Variants in ANKS1B observed in about 807,000 individuals in gnomAD.
ANKS1B encodes ankyrin repeat and sterile alpha motif domain-containing protein 1B.
A neutral mutation model predicts 148.3 loss-of-function variants in ANKS1B; 36 were observed. The observed-to-expected ratio is 0.24, with a 90% CI of 0.19 to 0.32. ANKS1B has a LOEUF of 0.32. ANKS1B is among the 10% of genes least tolerant of loss of function. ANKS1B has a pLI of 1.00. For synonymous variants in ANKS1B, 542 were observed against 560.8 expected, an observed-to-expected ratio of 0.97 and a Z score of 0.47; for missense variants, 1,157 against 1,542.6, an observed-to-expected ratio of 0.75 and a Z score of 4.19.
At chr12:99,488,626 C>T (rs2096525489) in intron 10 of ANKS1B, among the ~76,000 whole-genome samples, 1 of 152,158 alleles carries the variant, frequency 6.6e-6, no homozygotes, top group Admixed American at 6.6e-5. Flanking sequence ...GACTTTCTGG[C>T]CCTAGCTCCA....
chr12:99,398,581 G>A (rs1356675980), intron 12 of ANKS1B, among the ~76,000 whole-genome samples: 1 of 152,146 alleles, frequency 6.6e-6, no homozygotes, highest in Non-Finnish European at 1.5e-5. Flanking sequence ...AAACAGTTGA[G>A]AGGTCAAGGG....
chr12:99,179,290 G>A (rs936732168), intron 14 of ANKS1B, among the ~76,000 whole-genome samples: 103 of 151,918 alleles, frequency 6.8e-4, no homozygotes, highest in African/African-American at 2.3e-3. Context: ...TTAGCCGGGC[G>A]TGGTGGCGGG....
intron 9 of ANKS1B, among the ~76,000 whole-genome samples, chr12:99,508,073 T>C (rs2096729834): frequency 6.6e-6 from 1 of 151,914 alleles, no homozygotes; most frequent in Non-Finnish European, 1.5e-5. Context: ...TCAAACTTTA[T>C]ATATATAGTA....
At chr12:99,754,510 G>A (rs6538943) in intron 8 of ANKS1B, among the ~76,000 whole-genome samples, 66,469 of 151,952 alleles carry the variant, frequency 0.44, 14,938 homozygotes, top group South Asian at 0.61. Flanking sequence ...CATGAACCCA[G>A]CAGATATTTA....
intron 1 of ANKS1B, among the ~76,000 whole-genome samples, chr12:99,981,444 C>T (rs551111054): frequency 1.9e-4 from 29 of 152,014 alleles, no homozygotes; most frequent in African/African-American, 7.0e-4. Flanking sequence ...GTCTAGTGAA[C>T]CCTCAAAGGG....
intron 8 of ANKS1B, among the ~76,000 whole-genome samples, chr12:99,758,531 A>AT (rs1287480068): frequency 8.0e-6 from 1 of 124,722 alleles, no homozygotes; most frequent in African/African-American, 3.0e-5. Context: ...TATTGCTACC[A>AT]TTTTTCATAT....
chr12:98,910,458 A>G (rs1034852301), intron 17 of ANKS1B, among the ~76,000 whole-genome samples: 7 of 152,230 alleles, frequency 4.6e-5, no homozygotes, highest in African/African-American at 1.7e-4. Flanking sequence ...AAATGTATTT[A>G]ATTATCAGGC....
chr12:99,883,399 T>C (rs555645720), intron 1 of ANKS1B, among the ~76,000 whole-genome samples: 2 of 152,146 alleles, frequency 1.3e-5, no homozygotes, highest in African/African-American at 2.4e-5. Context: ...AAAGAGAACA[T>C]AGACATAAAC....
At chr12:99,519,879 T>C (rs2096857877) in intron 9 of ANKS1B, among the ~76,000 whole-genome samples, 1 of 152,208 alleles carries the variant, frequency 6.6e-6, no homozygotes, top group Admixed American at 6.5e-5. Flanking sequence ...CATCTAATAA[T>C]CCATTATTTT....
intron 8 of ANKS1B, among the ~76,000 whole-genome samples, chr12:99,750,736 G>T (rs567580264): frequency 2.0e-4 from 31 of 152,044 alleles, no homozygotes; most frequent in African/African-American, 6.0e-4. Flanking sequence ...ACCACCTTTT[G>T]ACAGATAAGC....
intron 1 of ANKS1B, among the ~76,000 whole-genome samples, chr12:99,879,147 T>A (rs1312956029): frequency 6.6e-6 from 1 of 152,172 alleles, no homozygotes; most frequent in Admixed American, 6.5e-5. Context: ...AGTTTCCTCA[T>A]CAGGGAAGCC....
rs1303484750 is a variant in ANKS1B at position 99,812,224 on chromosome 12, C to T, written c.303G>A (p.Trp101Ter). The T allele has an allele frequency of 6.2e-7, 1 of 1,612,122 alleles. No individual in the cohort carries two copies. Among genetic ancestry groups the T allele is most frequent in the Admixed American group, 1.7e-5 (1 of 59,762 alleles). The stretch of plus-strand genomic sequence containing the variant: ...TCTTCACAATTTCCACATCTCCTTT[C>T]CAGGCAGCCAGGTGAATAGGAAAAT... Reference protein sequence around the residue: ...KGYFPIHLAAWKGDVEIVKIL... With the variant: ...KGYFPIHLAA Residue 101 changes from tryptophan to a stop codon, truncating the protein, a stop_gained, in exon 3 of 27, where the codon TGG becomes TGA. Coordinates refer to ENST00000683438, the MANE Select transcript of ANKS1B (RefSeq NM_001352186.2). LOFTEE classifies it high-confidence loss of function.
intron 16 of ANKS1B, among the ~76,000 whole-genome samples, chr12:99,055,483 C>T (rs950441905): frequency 1.3e-5 from 2 of 152,128 alleles, no homozygotes; most frequent in Non-Finnish European, 2.9e-5. Flanking sequence ...CCACAGGTTA[C>T]CCCCAAGCAC....
At chr12:99,380,754 CTCCTTCCTTCCTTCCTTCCTTCCTTCCT>C (rs144164931) in intron 12 of ANKS1B, among the ~76,000 whole-genome samples, 18,983 of 132,752 alleles carry the variant, frequency 0.14, 1,285 homozygotes, top group African/African-American at 0.22. Context: ...GTTTCCTTTC[CTCCTTCCTTCCTTCCTTCCTTCCTTCCT>C]TCCTTCCTTC....
chr12:99,202,353 C>T (rs1483475909), intron 14 of ANKS1B, among the ~76,000 whole-genome samples: 1 of 152,186 alleles, frequency 6.6e-6, no homozygotes, highest in African/African-American at 2.4e-5. Flanking sequence ...AGTGACCTAC[C>T]ATCCATAAAC....
rs115839522 is a variant in ANKS1B at position 99,294,192 on chromosome 12, T to A, written c.1757-47328A>T. 7.8e-3 allele frequency among the ~76,000 whole-genome samples: 1,190 copies of A among 152,214 alleles called. 17 individuals are homozygous for A. Among genetic ancestry groups the A allele is most frequent in the African/African-American group, 0.027 (1,112 of 41,530 alleles). ...GTGCTAGTTATATACCCAAATGAAA[T>A]GAAATAGGTATATAAGACAGATATC... On this transcript the variant is annotated intron_variant, in intron 12 of 26. Coordinates refer to ENST00000683438, the MANE Select transcript of ANKS1B (RefSeq NM_001352186.2).
At chr12:99,090,869 C>T (rs972907762) in intron 15 of ANKS1B, among the ~76,000 whole-genome samples, 3 of 152,038 alleles carry the variant, frequency 2.0e-5, no homozygotes, top group Non-Finnish European at 4.4e-5. Context: ...TATAGAAACA[C>T]GGGTGACTAT....
chr12:98,842,934 C>T (rs2099415865), intron 17 of ANKS1B, among the ~76,000 whole-genome samples: 1 of 152,164 alleles, frequency 6.6e-6, no homozygotes, highest in Non-Finnish European at 1.5e-5. Flanking sequence ...TCCTCCAAGT[C>T]ATAACACTTC....
At chr12:99,713,963 G>A (rs1162820273) in intron 8 of ANKS1B, among the ~76,000 whole-genome samples, 1 of 152,146 alleles carries the variant, frequency 6.6e-6, no homozygotes, top group Non-Finnish European at 1.5e-5. Flanking sequence ...TTAGTGGCTT[G>A]AAACAATGCA....
Sources: gnomAD v4.1 joint callset for allele counts (sites outside exome capture counted in the v4.1 genomes callset) on GRCh38, gnomAD v4.1.1 for gene constraint, MANE v1.5 for transcripts, NCBI Gene and HGNC (gene_info 2026-07-23, HGNC 2026-07-21) for gene names.